BCORL1: variants seen among roughly 807,000 people sequenced by gnomAD.
BCORL1 encodes the protein BCL6 corepressor like 1, also known as BCL-6 corepressor-like protein 1.
Under a neutral mutation model 87.6 loss-of-function variants are expected in BCORL1, and 7 were observed. The observed-to-expected ratio is 0.08, with a 90% CI of 0.05 to 0.15. The LOEUF (loss-of-function observed/expected upper bound fraction) is 0.15, where lower values mean the gene tolerates loss of function less well. Ranked by LOEUF, BCORL1 falls within the 10% of genes least tolerant of loss-of-function variation. The pLI is 1.00. For synonymous variants in BCORL1, 591 were observed against 634.4 expected, an observed-to-expected ratio of 0.93 and a Z score of 1.03; for missense variants, 1,215 against 1,499.7, an observed-to-expected ratio of 0.81 and a Z score of 3.13.
chrX:130,014,851 C>A lies in BCORL1; in HGVS notation c.2079C>A (p.Ile693=). ...CGCCCTTTGTCATCTTTCCCGAGAT[C>A]GTGAGGAATGGGGACCCGAGCACCT... ...TSSPFVIFPE[I]VRNGDPSTWV... is the part of the protein sequence containing the mutation. The change falls in exon 4 of 14, where the codon ATC becomes ATA. Residue 693 remains isoleucine (I), a synonymous_variant. Coordinates refer to ENST00000540052, the MANE Select transcript of BCORL1 (RefSeq NM_001379451.1). 1 of 1,211,639 alleles carries A rather than the reference C, an allele frequency of 8.3e-7. No individual in the cohort carries two copies. Among genetic ancestry groups the A allele is most frequent in the South Asian group, 1.8e-5 (1 of 56,953 alleles).
intron 6 of BCORL1, among the ~76,000 whole-genome samples, chrX:130,023,302 C>T (rs143081041): frequency 1.0e-3 from 116 of 111,998 alleles, no homozygotes; most frequent in African/African-American, 3.5e-3. Flanking sequence ...TTTGGCACCT[C>T]GTCATTACTG....
At chrX:130,009,694 C>T (rs1375551526) in intron 2 of BCORL1, among the ~76,000 whole-genome samples, 1 of 110,126 alleles carries the variant, frequency 9.1e-6, no homozygotes, top group Non-Finnish European at 1.9e-5. Flanking sequence ...AGGGAAATGG[C>T]CCAGAGGGGT....
chrX:129,989,720 A>C (rs1374551623), intron 1 of BCORL1, among the ~76,000 whole-genome samples: 1 of 98,302 alleles, frequency 1.0e-5, no homozygotes, highest in Non-Finnish European at 2.0e-5. Flanking sequence ...GCCCACCTCA[A>C]CCTCCCAACA....
chrX:130,002,054 C>T (rs907870982), intron 1 of BCORL1, among the ~76,000 whole-genome samples: 1 of 109,642 alleles, frequency 9.1e-6, no homozygotes, highest in East Asian at 2.9e-4. Flanking sequence ...GACTTCTGAT[C>T]GAATATGGGC....
chrX:129,986,548 G>A (rs1926638403), intron 1 of BCORL1, among the ~76,000 whole-genome samples: 1 of 112,458 alleles, frequency 8.9e-6, no homozygotes, highest in East Asian at 2.8e-4. Flanking sequence ...GCCGGGTGCA[G>A]TGGCTCACTC....
rs1929348128 is a variant in BCORL1 at position 130,015,468 on chromosome X, A to G, written c.2696A>G (p.Gln899Arg). The G allele has an allele frequency of 8.3e-7, 1 of 1,211,023 alleles. No homozygotes were observed. Among genetic ancestry groups the G allele is most frequent in the Non-Finnish European group, 1.1e-6 (1 of 895,407 alleles). The change falls in exon 4 of 14, where the codon CAG (glutamine) becomes CGG (arginine). Residue 899 changes from glutamine (Q) to arginine (R), a missense_variant. Gln to Arg is a conservative substitution (Grantham distance 43). This residue lies in a region of BCORL1 where 861 missense variants were observed against 1,010.0 expected (regional missense o/e 0.85). Transcript: ENST00000540052. ...CCTGGGGGCTCCTTCGTTCCAGAGCAGGACCCTGTTACAAAGAACAAAACT... is the reference window on the plus strand; with the variant it reads ...CCTGGGGGCTCCTTCGTTCCAGAGCGGGACCCTGTTACAAAGAACAAAACT... ...PRPGGSFVPEQDPVTKNKTCR... is the reference protein window; with the variant it reads ...PRPGGSFVPERDPVTKNKTCR...
chrX:130,003,352 C>CCTTCTTCTTCTT (rs756573324), intron 1 of BCORL1, among the ~76,000 whole-genome samples: 9 of 103,958 alleles, frequency 8.7e-5, no homozygotes, highest in African/African-American at 3.1e-4. Flanking sequence ...TCCTCCTCCT[C>CCTTCTTCTTCTT]CTTCTTCTTC....
Position 130,037,396 on chromosome X carries a change from C to T in BCORL1, c.4557C>T (p.Asp1519=). Residue 1519 remains aspartate, a synonymous_variant, in exon 10 of 14, where the codon GAC becomes GAT. Coordinates refer to ENST00000540052, the MANE Select transcript of BCORL1 (RefSeq NM_001379451.1). The part of the protein sequence containing the change: ...KDVVLYCLQK[D]SEDVNHRDNA... ...TTGTTCTCTACTGCCTCCAGAAAGA[C>T]AGTGAAGATGTGAATCACCGTGACA... 1 of 1,211,827 alleles carries T rather than the reference C, an allele frequency of 8.3e-7. No individual in the cohort carries two copies. The highest frequency in any genetic ancestry group is 1.1e-6 in the Non-Finnish European group (1 of 895,402).
chrX:130,033,170 C>A (rs147479974), intron 8 of BCORL1, among the ~76,000 whole-genome samples: 2 of 109,371 alleles, frequency 1.8e-5, no homozygotes, highest in East Asian at 5.7e-4. Context: ...CAACCTCCCC[C>A]TCCCGGGCTC....
rs55654985 is a variant in BCORL1, at chrX:129,989,444, CTT to C, written c.-45+6718_-45+6719del. Among the ~76,000 whole-genome samples the C allele has an allele frequency of 8.0e-3, 142 of 17,739 alleles. 1 individual carries two copies. Among genetic ancestry groups the C allele is most frequent in the Non-Finnish European group, 0.01 (107 of 10,403 alleles). 15.4% of individuals were successfully genotyped at this position (17,739 alleles called of 115,157 possible). A position where few individuals can be genotyped will look rare whatever the true frequency, so the allele number is the denominator to read the frequency against. On this transcript the variant is annotated intron_variant, in intron 1 of 13. Transcript: ENST00000540052. The stretch of plus-strand genomic sequence containing the variant: ...TACAGGCGTGAGCCACCGCACCCGT[CTT>C]TTTTTTTTTTTTTTTTTTTTTTTTT...
At chrX:130,023,830 A>G (rs1930022440) in intron 6 of BCORL1, among the ~76,000 whole-genome samples, 2 of 112,893 alleles carry the variant, frequency 1.8e-5, no homozygotes, top group Admixed American at 1.9e-4. Flanking sequence ...ATGATTCTGT[A>G]TTAACCAGAA....
chrX:130,006,054 T>C (rs1467416747), intron 2 of BCORL1, among the ~76,000 whole-genome samples: 1 of 112,063 alleles, frequency 8.9e-6, no homozygotes, highest in East Asian at 2.8e-4. Context: ...TACTGGGAAC[T>C]GGCAGTGGGC....
chrX:130,038,655 G>T (rs772311440), intron 10 of BCORL1, among the ~76,000 whole-genome samples: 2 of 111,129 alleles, frequency 1.8e-5, no homozygotes, highest in Non-Finnish European at 3.8e-5. Context: ...CTAATTTTTG[G>T]ATTTTTAGTA....
chrX:130,022,783 T>C lies in BCORL1; in HGVS notation c.3608-114T>C. ...AATGTAACCCAGATTAACCACAGGGTAAACACAAACTCTTTCTCAATCTTT... is the reference window on the plus strand; with the variant it reads ...AATGTAACCCAGATTAACCACAGGGCAAACACAAACTCTTTCTCAATCTTT... On this transcript the variant is annotated intron_variant, in intron 5 of 13. Coordinates refer to ENST00000540052, the MANE Select transcript of BCORL1 (RefSeq NM_001379451.1). The C allele has an allele frequency of 4.6e-6, 3 of 647,241 alleles. No individual in the cohort carries two copies. The South Asian group carries it at 7.4e-5, about 16-fold the overall frequency. 53.3% of individuals were successfully genotyped at this position (647,241 alleles called of 1,213,427 possible).
At chrX:129,999,688 C>G (rs762996557) in intron 1 of BCORL1, among the ~76,000 whole-genome samples, 1 of 102,347 alleles carries the variant, frequency 9.8e-6, no homozygotes, top group African/African-American at 3.6e-5. Context: ...TCTTTTTCCC[C>G]CCCCCCAGAC....
At position 130,031,843 on chromosome X, in the gene BCORL1, T is replaced by C. The variant is rs369017390; in HGVS notation, c.4306-2612T>C. On this transcript the variant is annotated intron_variant, in intron 8 of 13. Coordinates refer to ENST00000540052, the MANE Select transcript of BCORL1 (RefSeq NM_001379451.1). ...ATGTGCCCAGCCCTGAGTTAAGTGC[T>C]GTAAGGAACAGAAAAATGATGACAA... is the stretch of plus-strand genomic sequence containing the variant. 8.9e-5 allele frequency among the ~76,000 whole-genome samples: 10 copies of C among 111,798 alleles called. No homozygotes were observed. The East Asian group carries it at 2.8e-3, about 31-fold the overall frequency.
chrX:130,005,043 G>A, intron 1 of BCORL1, 145 bp from the exon 2 acceptor site: 1 of 376,773 alleles, frequency 2.7e-6, no homozygotes, highest in Non-Finnish European at 4.7e-6. Flanking sequence ...CCTCTTCCCG[G>A]TTTAGACCTT....
chrX:129,983,050 T>A lies in BCORL1; in HGVS notation c.-45+288T>A, dbSNP rs776769061. On this transcript the variant is annotated intron_variant, in intron 1 of 13. Transcript: ENST00000540052. ...CTTGCCCCCCGGGGGCGCCGTCCTC[T>A]TCGTGTCCCCGGACGTAGCGCTCCC... Among the ~76,000 whole-genome samples the A allele has an allele frequency of 9.2e-5, 10 of 109,068 alleles. No individual in the cohort carries two copies. The South Asian group carries it at 4.2e-3, about 46-fold the overall frequency. The allele number at this position is 109,068 out of a possible 115,157, so 94.7% of individuals were successfully genotyped here. A position where few individuals can be genotyped will look rare whatever the true frequency, so the allele number is the denominator to read the frequency against.
At chrX:130,054,548 T>TGAGA (rs1251368582) in intron 13 of BCORL1, among the ~76,000 whole-genome samples, 1 of 109,784 alleles carries the variant, frequency 9.1e-6, no homozygotes, top group African/African-American at 3.3e-5. Context: ...TGTGTGTGTG[T>TGAGA]GAGAGAGAGA....
Sources: allele counts gnomAD v4.1 joint callset (sites outside exome capture counted in the v4.1 genomes callset), GRCh38; gene constraint gnomAD v4.1.1; regional missense constraint gnomAD v4.1.1; transcripts MANE v1.5; gene names NCBI Gene and HGNC (gene_info 2026-07-23, HGNC 2026-07-21).